PBX1: variants seen among roughly 807,000 people sequenced by gnomAD.
PBX1 encodes the protein PBX homeobox 1, also known as pre-B-cell leukemia transcription factor 1.
A neutral mutation model predicts 53.4 loss-of-function variants in PBX1; 6 were observed. That is an observed-to-expected ratio of 0.11 (90% CI 0.06 to 0.22). The LOEUF is 0.22. Ranked by LOEUF, PBX1 falls within the 10% of genes least tolerant of loss-of-function variation. The probability of loss-of-function intolerance (pLI) is 1.00; values close to 1 mark genes in which losing one functional copy is unlikely to be tolerated. For missense variants in PBX1, 251 were observed against 551.4 expected (o/e 0.46, Z 5.46); for synonymous variants, 204 against 212.3 (o/e 0.96, Z 0.34).
intron 2 of PBX1, among the ~76,000 whole-genome samples, chr1:164,668,896 A>G (rs1022851796): frequency 1.3e-5 from 2 of 152,246 alleles, no homozygotes; most frequent in Non-Finnish European, 2.9e-5. Flanking sequence ...TTAATTAAAA[A>G]TAATGGGAAT....
chr1:164,848,964 G>A lies in PBX1; in HGVS notation c.*2288G>A. The A allele has an allele frequency of 9.2e-7, 1 of 1,086,420 alleles. No individual in the cohort carries two copies. Among genetic ancestry groups the A allele is most frequent in the Non-Finnish European group, 1.1e-6 (1 of 893,322 alleles). 67.3% of individuals were successfully genotyped at this position (1,086,420 alleles called of 1,614,324 possible). A position where few individuals can be genotyped will look rare whatever the true frequency, so the allele number is the denominator to read the frequency against. ...GACTAAAAGGCACTAGAAAGGTTGT[G>A]TCTACTAACTTCAGCCCTAATCAGA... On this transcript the variant is annotated 3_prime_UTR_variant, in exon 9 of 9. Coordinates refer to ENST00000420696, the MANE Select transcript of PBX1 (RefSeq NM_002585.4).
chr1:164,790,346 A>C (rs1668434157), intron 2 of PBX1, among the ~76,000 whole-genome samples: 1 of 152,240 alleles, frequency 6.6e-6, no homozygotes, highest in African/African-American at 2.4e-5. Context: ...TGGAAAAAAA[A>C]GTCCACAAAA....
chr1:164,877,450 G>A (rs971347138), intron 2 of PBX1, among the ~76,000 whole-genome samples: 10 of 152,232 alleles, frequency 6.6e-5, no homozygotes, highest in Admixed American at 2.0e-4. Context: ...ATCACTTGAG[G>A]TCAGGAATTC....
chr1:164,580,971 T>C (rs1654575385), intron 2 of PBX1, among the ~76,000 whole-genome samples: 1 of 152,144 alleles, frequency 6.6e-6, no homozygotes, highest in South Asian at 2.1e-4. Flanking sequence ...ATGTCACCTT[T>C]CCTAGTTCCT....
chr1:164,654,313 T>C (rs1660018374), intron 2 of PBX1, among the ~76,000 whole-genome samples: 1 of 152,220 alleles, frequency 6.6e-6, no homozygotes, highest in African/African-American at 2.4e-5. Context: ...GTCTCTATGA[T>C]TTGCCATTTG....
chr1:164,627,944 A>T (rs1400858723), intron 2 of PBX1, among the ~76,000 whole-genome samples: 1 of 152,158 alleles, frequency 6.6e-6, no homozygotes. Flanking sequence ...AGCAACTGGA[A>T]ATTATAGTGA....
At chr1:164,807,429 A>C in intron 4 of PBX1, 113 bp from the exon 5 acceptor site, 1 of 1,358,422 alleles carries the variant, frequency 7.4e-7, no homozygotes, top group Non-Finnish European at 1.0e-6. Context: ...ATCTGCTCCA[A>C]ATTCACCTTT....
chr1:164,560,733 T>C (rs1652980112), intron 1 of PBX1, among the ~76,000 whole-genome samples: 1 of 152,216 alleles, frequency 6.6e-6, no homozygotes, highest in African/African-American at 2.4e-5. Context: ...TTAGTTTAAC[T>C]TTATTGTCTC....
intron 8 of PBX1, among the ~76,000 whole-genome samples, chr1:164,843,946 A>C (rs936933111): frequency 3.3e-5 from 5 of 152,144 alleles, no homozygotes; most frequent in Admixed American, 3.3e-4. Flanking sequence ...TAATGGAATT[A>C]TGGCATGGCT....
intron 2 of PBX1, among the ~76,000 whole-genome samples, chr1:164,638,108 C>T (rs370713894): frequency 7.9e-5 from 12 of 152,312 alleles, no homozygotes; most frequent in African/African-American, 1.9e-4. Context: ...TAAGGGCACT[C>T]GTACTGCTGC....
At chr1:164,751,578 C>A (rs1666219311) in intron 2 of PBX1, among the ~76,000 whole-genome samples, 1 of 136,198 alleles carries the variant, frequency 7.3e-6, no homozygotes, top group Non-Finnish European at 1.5e-5. Context: ...GTTTATTGCC[C>A]CCCTTTTTTT....
chr1:164,773,726 G>C (rs1278553002), intron 2 of PBX1, among the ~76,000 whole-genome samples: 1 of 152,196 alleles, frequency 6.6e-6, no homozygotes, highest in African/African-American at 2.4e-5. Context: ...ATCATCTCTA[G>C]AGGGGATTCA....
Position 164,799,845 on chromosome 1 carries a change from G to A in PBX1, c.657G>A (p.Thr219=), listed in dbSNP as rs765717583. The A allele has an allele frequency of 1.5e-5, 24 of 1,613,808 alleles. No individual in the cohort carries two copies. The East Asian group carries it at 4.9e-4, about 33-fold the overall frequency. Residue 219 remains threonine, a synonymous_variant, in exon 4 of 9, where the codon ACG becomes ACA. Coordinates refer to ENST00000420696, the MANE Select transcript of PBX1 (RefSeq NM_002585.4). ...SSIQMQLKQS[T]CEAVMILRSR... is the part of the protein sequence containing the mutation. The stretch of plus-strand genomic sequence containing the variant: ...TCCAGATGCAGCTCAAGCAGAGCAC[G>A]TGCGAGGCGGTGATGATCCTGCGTT...
At chr1:164,862,256 C>A (rs903705043) in intron 2 of PBX1, among the ~76,000 whole-genome samples, 1 of 152,160 alleles carries the variant, frequency 6.6e-6, no homozygotes, top group Non-Finnish European at 1.5e-5. Flanking sequence ...TTTGCACACA[C>A]GATTTCTCCT....
intron 2 of PBX1, among the ~76,000 whole-genome samples, chr1:164,568,475 TATA>T (rs1242616972): frequency 6.6e-6 from 1 of 152,192 alleles, no homozygotes; most frequent in Non-Finnish European, 1.5e-5. Flanking sequence ...TTTGGAGGAA[TATA>T]ATAATTTTGG....
chr1:164,868,112 T>C (rs1571544805), intron 2 of PBX1, among the ~76,000 whole-genome samples: 1 of 152,066 alleles, frequency 6.6e-6, no homozygotes, highest in Non-Finnish European at 1.5e-5. Context: ...AGAGAGAAAA[T>C]AGAGCGGCTC....
At chr1:164,815,059 A>C (rs969403725) in intron 6 of PBX1, 1 of 152,220 alleles carries the variant, frequency 6.6e-6, no homozygotes, top group Non-Finnish European at 1.5e-5. Flanking sequence ...AATTTTGAAA[A>C]AAGAAAGCAA....
chr1:164,605,364 A>G (rs1656480197), intron 2 of PBX1: 2 of 152,094 alleles, frequency 1.3e-5, no homozygotes, highest in Admixed American at 1.3e-4. Context: ...TTCCAGGGCT[A>G]TGGTAGGGAT....
Position 164,559,755 on chromosome 1 carries a change from T to A in PBX1, c.-68T>A. 1 of 1,247,060 alleles carries A rather than the reference T, an allele frequency of 8.0e-7. No homozygotes were observed. The highest frequency in any genetic ancestry group is 1.1e-6 in the Non-Finnish European group (1 of 910,984). The allele number at this position is 1,247,060 out of a possible 1,614,324, so 77.2% of individuals were successfully genotyped here. A position where few individuals can be genotyped will look rare whatever the true frequency, so the allele number is the denominator to read the frequency against. ...GACAAGCTTGAAGGATAAAAAGCCT[T>A]GGTGCTTCCCAGGAGCCGAGCCGAG... On this transcript the variant is annotated 5_prime_UTR_variant, in exon 1 of 9. Transcript: ENST00000420696.
Sources: gnomAD v4.1 joint callset for allele counts (sites outside exome capture counted in the v4.1 genomes callset) on GRCh38, gnomAD v4.1.1 for gene constraint, MANE v1.5 for transcripts, NCBI Gene and HGNC (gene_info 2026-07-23, HGNC 2026-07-21) for gene names.